RAB6A: variants seen among roughly 807,000 people sequenced by gnomAD.
RAB6A encodes RAB6A, member RAS oncogene family.
Under a neutral mutation model 32.3 loss-of-function variants are expected in RAB6A, and 8 were observed. That is an observed-to-expected ratio of 0.25 (90% CI 0.15 to 0.45). The LOEUF is 0.45. Among genes scored for constraint, RAB6A ranks in the 20% least tolerant of loss-of-function variants. The pLI is 1.00. For synonymous variants in RAB6A, 73 were observed against 82.1 expected (o/e 0.89, Z 0.60); for missense variants, 104 against 249.4 (o/e 0.42, Z 3.93).
chr11:73,744,247 A>C (rs10898940), intron 1 of RAB6A, among the ~76,000 whole-genome samples: 50,606 of 150,828 alleles, frequency 0.34, 10,654 homozygotes, highest in Non-Finnish European at 0.47. Context: ...CTGAGGCAGG[A>C]GAATGGCGTG....
Position 73,703,080 on chromosome 11 carries a change from C to T in RAB6A, c.495+4340G>A, listed in dbSNP as rs559067911. Among the ~76,000 whole-genome samples the T allele has an allele frequency of 1.4e-3, 208 of 151,446 alleles. 1 individual carries two copies. Among genetic ancestry groups the T allele is most frequent in the African/African-American group, 4.6e-3 (189 of 41,166 alleles). ...CAAGTGATCCGCCTGCCTCAGCCTC[C>T]GAAAGTGCTGGGATTATAGGCATGA... On this transcript the variant is annotated intron_variant, in intron 6 of 7. Transcript: ENST00000336083.
intron 6 of RAB6A, among the ~76,000 whole-genome samples, chr11:73,685,885 C>CAAAAAAAAAAAAAAAAAAAAAAAAAAAA (rs56270679): frequency 9.7e-6 from 1 of 103,028 alleles, no homozygotes. Context: ...AACTCCGTCT[C>CAAAAAAAAAAAAAAAAAAAAAAAAAAAA]AAAAAAAAAA....
chr11:73,741,854 T>G (rs2134995198), intron 1 of RAB6A, among the ~76,000 whole-genome samples: 1 of 152,310 alleles, frequency 6.6e-6, no homozygotes, highest in South Asian at 2.1e-4. Context: ...AGATTTAATT[T>G]TTTAGATCAG....
At chr11:73,744,506 G>T (rs1946551287) in intron 1 of RAB6A, among the ~76,000 whole-genome samples, 1 of 69,002 alleles carries the variant, frequency 1.4e-5, no homozygotes, top group Admixed American at 2.5e-4. Flanking sequence ...GTGAGACCCT[G>T]TCTCCAAAAA....
chr11:73,728,454 T>C (rs1054558443), intron 2 of RAB6A, among the ~76,000 whole-genome samples: 3 of 151,908 alleles, frequency 2.0e-5, no homozygotes, highest in African/African-American at 7.2e-5. Flanking sequence ...ATTATGTTTA[T>C]TGCTTTTTGT....
In RAB6A at chr11:73,698,995, G is replaced by A. The variant is rs182854294; in HGVS notation, c.495+8425C>T. Among the ~76,000 whole-genome samples, 66 of 151,970 alleles carry A rather than the reference G, an allele frequency of 4.3e-4. No homozygotes were observed. In the East Asian group the frequency reaches 0.013, roughly 29 times the overall value. ...GCCTTCCCAGTAGCTGGGATTACAG[G>A]CGCCCGCCACCACACCCAGCTAATT... is the stretch of plus-strand genomic sequence containing the variant. On this transcript the variant is annotated intron_variant, in intron 6 of 7. Transcript: ENST00000336083.
chr11:73,692,715 C>T (rs185238178), intron 6 of RAB6A, among the ~76,000 whole-genome samples: 1 of 140,118 alleles, frequency 7.1e-6, no homozygotes, highest in African/African-American at 2.6e-5. Flanking sequence ...CTTTGGGAGG[C>T]GGGCGGATCA....
At chr11:73,707,293 T>C in intron 6 of RAB6A, 127 bp downstream of exon 6, 1 of 627,822 alleles carries the variant, frequency 1.6e-6, no homozygotes, top group South Asian at 2.3e-5. Flanking sequence ...TTTTCACTGT[T>C]TGAAAATATA....
intron 6 of RAB6A, among the ~76,000 whole-genome samples, chr11:73,697,634 A>G (rs1019056304): frequency 5.9e-5 from 9 of 152,154 alleles, no homozygotes; most frequent in Admixed American, 5.9e-4. Context: ...GGCATGAGCC[A>G]CTGTGCCTGG....
In RAB6A at chr11:73,683,081, T is replaced by C. The variant is rs1286492203; in HGVS notation, c.496-3361A>G. Reference sequence around the variant, plus strand: ...TCTCCCACCAATATCAGCTGAAAACTTGAAAATCACAATCTATTTATTATC... The same window carrying C: ...TCTCCCACCAATATCAGCTGAAAACCTGAAAATCACAATCTATTTATTATC... On this transcript the variant is annotated intron_variant, in intron 6 of 7. Coordinates refer to ENST00000336083, the MANE Select transcript of RAB6A (RefSeq NM_198896.2). 3.3e-5 allele frequency among the ~76,000 whole-genome samples: 5 copies of C among 151,280 alleles called. No individual in the cohort carries two copies. In the East Asian group the frequency reaches 9.9e-4, roughly 30 times the overall value.
intron 6 of RAB6A, among the ~76,000 whole-genome samples, chr11:73,686,949 A>G (rs1158906280): frequency 2.0e-5 from 3 of 152,226 alleles, no homozygotes; most frequent in African/African-American, 7.2e-5. Context: ...CATTATTGAC[A>G]ATAGCCAAAA....
In RAB6A at chr11:73,676,498, A is replaced by G. The variant is rs1401587935; in HGVS notation, c.*1400T>C. The G allele has an allele frequency of 6.0e-6, 1 of 166,880 alleles. No homozygotes were observed. Among genetic ancestry groups the G allele is most frequent in the East Asian group, 1.9e-4 (1 of 5,202 alleles). 10.3% of individuals were successfully genotyped at this position (166,880 alleles called of 1,614,324 possible). A position where few individuals can be genotyped will look rare whatever the true frequency, so the allele number is the denominator to read the frequency against. On this transcript the variant is annotated 3_prime_UTR_variant, in exon 8 of 8. Transcript: ENST00000336083. ...GAAAGTTGTTAAAAAAAAAAAAGGC[A>G]AAGAAATAAATATCACCAAAGAAAA...
At chr11:73,724,624 C>T (rs1946189591) in intron 2 of RAB6A, among the ~76,000 whole-genome samples, 1 of 151,822 alleles carries the variant, frequency 6.6e-6, no homozygotes, top group Admixed American at 6.6e-5. Context: ...ATAGCTGGGA[C>T]TACAGGCGCC....
intron 2 of RAB6A, chr11:73,722,323 ATATATATATATATATATATATTTTTTTTT>A (rs1946148411): frequency 1.3e-4 from 1 of 7,850 alleles, no homozygotes; most frequent in African/African-American, 3.2e-4. Context: ...ATATATATAT[ATATATATATATATATATATATTTTTTTTT>A]TTTTTTTTTT....
chr11:73,692,459 C>T (rs1374202610), intron 6 of RAB6A, among the ~76,000 whole-genome samples: 4 of 137,550 alleles, frequency 2.9e-5, no homozygotes, highest in Admixed American at 2.3e-4. Context: ...GCCGAGATTG[C>T]GCCACTGCAC....
At chr11:73,729,900 TA>T (rs1946278445) in intron 2 of RAB6A, 1 of 152,698 alleles carries the variant, frequency 6.5e-6, no homozygotes, top group Non-Finnish European at 1.5e-5. Flanking sequence ...TAGCTAATCC[TA>T]AACCTGCTTA....
intron 2 of RAB6A, among the ~76,000 whole-genome samples, chr11:73,726,500 T>C (rs1173726409): frequency 7.1e-6 from 1 of 141,170 alleles, no homozygotes; most frequent in Non-Finnish European, 1.5e-5. Context: ...GAGAATGGCG[T>C]GAACCTGGGA....
intron 5 of RAB6A, among the ~76,000 whole-genome samples, chr11:73,711,821 A>T (rs538762241): frequency 6.6e-6 from 1 of 152,342 alleles, no homozygotes; most frequent in South Asian, 2.1e-4. Flanking sequence ...GGCAGTCTGA[A>T]TCTGAGGCAA....
In RAB6A at chr11:73,742,942, C is replaced by T. The variant is rs541003388; in HGVS notation, c.71-12119G>A. 4.6e-5 allele frequency among the ~76,000 whole-genome samples: 7 copies of T among 152,194 alleles called. No homozygotes were observed. The East Asian group carries it at 1.4e-3, about 29-fold the overall frequency. Reference sequence around the variant, plus strand: ...AAACAAATACGAGTAAAGCCCTGACCTGAAAGGAGCTTACAATCCACTGAA... The same window carrying T: ...AAACAAATACGAGTAAAGCCCTGACTTGAAAGGAGCTTACAATCCACTGAA... On this transcript the variant is annotated intron_variant, in intron 1 of 7. Transcript: ENST00000336083.
Sources: allele counts gnomAD v4.1 joint callset (sites outside exome capture counted in the v4.1 genomes callset), GRCh38; gene constraint gnomAD v4.1.1; transcripts MANE v1.5; gene names NCBI Gene and HGNC (gene_info 2026-07-23, HGNC 2026-07-21).